ARHGAP15: variants seen among roughly 807,000 people sequenced by gnomAD.
ARHGAP15 encodes the protein Rho GTPase activating protein 15.
In ARHGAP15, 51 loss-of-function variants were observed where a neutral mutation model predicts 63.7. The observed-to-expected ratio is 0.80, with a 90% CI of 0.64 to 1.01. The LOEUF is 1.01. ARHGAP15 is among the 50% of genes least tolerant of loss of function. ARHGAP15 has a pLI of 0.00. For synonymous variants in ARHGAP15, 191 were observed against 193.8 expected, an observed-to-expected ratio of 0.99 and a Z score of 0.12; for missense variants, 560 against 564.6, an observed-to-expected ratio of 0.99 and a Z score of 0.08.
intron 13 of ARHGAP15, among the ~76,000 whole-genome samples, chr2:143,728,132 G>T (rs942487812): frequency 6.6e-6 from 1 of 152,206 alleles, no homozygotes; most frequent in African/African-American, 2.4e-5. Context: ...GAGGCTGGAA[G>T]TCCAAGGTCA....
At chr2:143,450,169 T>A (rs1432494818) in intron 8 of ARHGAP15, among the ~76,000 whole-genome samples, 4 of 147,744 alleles carry the variant, frequency 2.7e-5, no homozygotes, top group Admixed American at 6.8e-5. Context: ...TTTTTTTTTT[T>A]AAATCGGGCA....
intron 12 of ARHGAP15, among the ~76,000 whole-genome samples, chr2:143,688,056 T>G (rs566508806): frequency 6.6e-6 from 1 of 152,192 alleles, no homozygotes; most frequent in Admixed American, 6.5e-5. Flanking sequence ...AACCATGTTT[T>G]GGGGCTATTT....
At chr2:143,273,125 ACAT>A (rs1161003069) in intron 6 of ARHGAP15, among the ~76,000 whole-genome samples, 3 of 152,176 alleles carry the variant, frequency 2.0e-5, no homozygotes, top group African/African-American at 4.8e-5. Context: ...TTCTCTATAT[ACAT>A]CATTATTCTA....
chr2:143,266,386 A>C (rs1322036035), intron 6 of ARHGAP15, among the ~76,000 whole-genome samples: 1 of 152,172 alleles, frequency 6.6e-6, no homozygotes, highest in Non-Finnish European at 1.5e-5. Context: ...AGCTCTAAGC[A>C]AGTAACTAAG....
At chr2:143,274,373 C>A (rs1477689075) in intron 6 of ARHGAP15, among the ~76,000 whole-genome samples, 8 of 152,042 alleles carry the variant, frequency 5.3e-5, no homozygotes, top group African/African-American at 1.4e-4. Flanking sequence ...TAGCTTTTCT[C>A]TGGTCTTCTC....
intron 6 of ARHGAP15, among the ~76,000 whole-genome samples, chr2:143,283,314 G>A (rs1483387554): frequency 6.6e-6 from 1 of 152,034 alleles, no homozygotes; most frequent in East Asian, 1.9e-4. Context: ...AAAAATTTAA[G>A]GGACAAGTAA....
intron 5 of ARHGAP15, chr2:143,236,233 A>C: frequency 3.1e-6 from 1 of 321,346 alleles, no homozygotes; most frequent in Non-Finnish European, 5.6e-6. Flanking sequence ...GGTAAAAGAG[A>C]CATAATTTTG....
At chr2:143,391,902 T>C (rs187339117) in intron 6 of ARHGAP15, among the ~76,000 whole-genome samples, 4 of 152,336 alleles carry the variant, frequency 2.6e-5, no homozygotes, top group South Asian at 4.1e-4. Flanking sequence ...CATGTTGTCA[T>C]TGGAACCTGG....
chr2:143,261,099 G>T lies in ARHGAP15; in HGVS notation c.474+10499G>T, dbSNP rs771122633. ...ATGCCCTAGGTTTTAGTCATAAGTTGCTAATGTTTGTTTCAATAACATTTG... is the reference window on the plus strand; with the variant it reads ...ATGCCCTAGGTTTTAGTCATAAGTTTCTAATGTTTGTTTCAATAACATTTG... On this transcript the variant is annotated intron_variant, in intron 6 of 13. Transcript: ENST00000295095. 4.5e-4 allele frequency among the ~76,000 whole-genome samples: 69 copies of T among 152,020 alleles called. 1 individual carries two copies. The highest frequency in any genetic ancestry group is 1.6e-4 in the Non-Finnish European group (11 of 67,988).
chr2:143,233,646 CTTTTT>C lies in ARHGAP15; in HGVS notation c.384+4992_384+4996del, dbSNP rs558684012. On this transcript the variant is annotated intron_variant, in intron 5 of 13. Coordinates refer to ENST00000295095, the MANE Select transcript of ARHGAP15 (RefSeq NM_018460.4). ...ATTTCAAAAAATTTCCAATAGCTAT[CTTTTT>C]TTTTTTTTTTTTTGAGATGAAGTCT... is the stretch of plus-strand genomic sequence containing the variant. 9.2e-3 allele frequency among the ~76,000 whole-genome samples: 1,222 copies of C among 132,152 alleles called. 24 individuals are homozygous for C. The highest frequency in any genetic ancestry group is 0.032 in the African/African-American group (1,154 of 36,172). The allele number at this position is 132,152 out of a possible 152,430, so 86.7% of individuals were successfully genotyped here. A position where few individuals can be genotyped will look rare whatever the true frequency, so the allele number is the denominator to read the frequency against.
intron 10 of ARHGAP15, among the ~76,000 whole-genome samples, chr2:143,540,651 G>C (rs1035285733): frequency 3.6e-4 from 55 of 152,150 alleles, no homozygotes; most frequent in Non-Finnish European, 5.0e-4. Flanking sequence ...AGTTTGGCTG[G>C]ATATGAAATT....
intron 6 of ARHGAP15, among the ~76,000 whole-genome samples, chr2:143,291,237 A>G (rs1431885526): frequency 1.3e-5 from 2 of 152,160 alleles, no homozygotes; most frequent in East Asian, 1.9e-4. Flanking sequence ...AAAATGTACT[A>G]AAGACAGTTT....
intron 13 of ARHGAP15, among the ~76,000 whole-genome samples, chr2:143,756,231 T>G (rs1295630928): frequency 6.6e-6 from 1 of 152,224 alleles, no homozygotes; most frequent in Non-Finnish European, 1.5e-5. Flanking sequence ...ATTCCTTTTA[T>G]GTTTATCTAA....
chr2:143,712,339 AG>A (rs1198057651), intron 13 of ARHGAP15, among the ~76,000 whole-genome samples: 1 of 152,246 alleles, frequency 6.6e-6, no homozygotes, highest in Non-Finnish European at 1.5e-5. Flanking sequence ...TGAAAAAAGC[AG>A]AAATTTTGTT....
intron 12 of ARHGAP15, among the ~76,000 whole-genome samples, chr2:143,642,259 T>C (rs1680640294): frequency 6.6e-6 from 1 of 151,444 alleles, no homozygotes; most frequent in African/African-American, 2.4e-5. Flanking sequence ...TTTGTAGTGA[T>C]TTTTTTTTAT....
chr2:143,229,592 G>A (rs1220485656), intron 5 of ARHGAP15, among the ~76,000 whole-genome samples: 3 of 152,122 alleles, frequency 2.0e-5, no homozygotes, highest in African/African-American at 4.8e-5. Flanking sequence ...GAAGGACTCC[G>A]GGCAGGAACT....
intron 12 of ARHGAP15, among the ~76,000 whole-genome samples, chr2:143,673,772 A>ATG (rs1682681535): frequency 7.7e-5 from 8 of 104,188 alleles, no homozygotes; most frequent in African/African-American, 2.6e-4. Context: ...ATATATATAT[A>ATG]TATATATATA....
intron 13 of ARHGAP15, among the ~76,000 whole-genome samples, chr2:143,711,512 C>T (rs1684579573): frequency 6.6e-6 from 1 of 152,046 alleles, no homozygotes; most frequent in East Asian, 1.9e-4. Flanking sequence ...AATGGTGAGT[C>T]CTCTGGAAGG....
intron 6 of ARHGAP15, among the ~76,000 whole-genome samples, chr2:143,354,861 G>A (rs981901987): frequency 1.3e-5 from 2 of 152,052 alleles, no homozygotes; most frequent in Non-Finnish European, 2.9e-5. Context: ...TATGAAAGCC[G>A]GCAACACTTC....
Sources: gnomAD v4.1 joint callset for allele counts (sites outside exome capture counted in the v4.1 genomes callset) on GRCh38, gnomAD v4.1.1 for gene constraint, MANE v1.5 for transcripts, NCBI Gene and HGNC (gene_info 2026-07-23, HGNC 2026-07-21) for gene names.